CDK13: variants seen among roughly 807,000 people sequenced by gnomAD.
CDK13 encodes the protein cyclin-dependent kinase 13.
CDK13 carries 40 observed loss-of-function variants against 137.6 expected under a neutral mutation model. The ratio of observed to expected loss-of-function variants is 0.29; its 90% CI spans 0.23 to 0.38. CDK13 has a LOEUF of 0.38. Ranked by LOEUF, CDK13 falls within the 10% of genes least tolerant of loss-of-function variation. The pLI is 1.00. For missense variants in CDK13, 1,704 were observed against 1,951.8 expected (o/e 0.87, Z 2.39); for synonymous variants, 869 against 760.1 (o/e 1.14, Z -2.36).
chr7:39,957,225 C>T (rs564003098), intron 1 of CDK13, among the ~76,000 whole-genome samples: 1 of 151,100 alleles, frequency 6.6e-6, no homozygotes, highest in Non-Finnish European at 1.5e-5. Flanking sequence ...GTTGGGATTA[C>T]AGGCATGAGC....
intron 1 of CDK13, among the ~76,000 whole-genome samples, chr7:39,969,466 T>C (rs373491973): frequency 1.2e-4 from 19 of 152,366 alleles, no homozygotes; most frequent in Admixed American, 2.6e-4. Flanking sequence ...TTGGCTGTTA[T>C]GAGCAAAGCT....
intron 12 of CDK13, among the ~76,000 whole-genome samples, chr7:40,089,737 T>C (rs931410755): frequency 3.9e-5 from 5 of 128,680 alleles, no homozygotes; most frequent in African/African-American, 1.3e-4. Context: ...TGTGTGTGTG[T>C]GTGTGTGTGT....
rs554274693 is a variant in CDK13, at chr7:40,092,700, A to G, written c.3236-85A>G. On this transcript the variant is annotated intron_variant, in intron 12 of 13. Transcript: ENST00000181839. ...TACTCTCCCTCAAATATATATTTTC[A>G]TATGGTAATACAGAGCCATTTTGGT... The G allele has an allele frequency of 9.7e-5, 84 of 866,152 alleles. No homozygotes were observed. In the African/African-American group the frequency reaches 1.3e-3, roughly 14 times the overall value. The allele number at this position is 866,152 out of a possible 1,614,324, so 53.7% of individuals were successfully genotyped here. A position where few individuals can be genotyped will look rare whatever the true frequency, so the allele number is the denominator to read the frequency against.
At chr7:40,094,055 A>C (rs1378688301) in intron 13 of CDK13, 75 bp from the exon 14 acceptor site, 4 of 1,512,572 alleles carry the variant, frequency 2.6e-6, no homozygotes, top group African/African-American at 2.8e-5. Flanking sequence ...AACTACCTAC[A>C]GGAAACACTG....
Position 40,078,004 on chromosome 7 carries a change from G to T in CDK13, c.2781-1G>T. On this transcript the variant is annotated splice_acceptor_variant, in intron 9 of 13. Coordinates refer to ENST00000181839, the MANE Select transcript of CDK13 (RefSeq NM_003718.5). LOFTEE classifies it high-confidence loss of function. The stretch of plus-strand genomic sequence containing the variant: ...TGTACTTCCTTTTGTGTGTTGCTTA[G>T]CCGAATATGTGGGAGTCCATGTCCT... 6.7e-7 allele frequency: 1 copy of T among 1,501,254 alleles called. No homozygotes were observed. Among genetic ancestry groups the T allele is most frequent in the Non-Finnish European group, 9.0e-7 (1 of 1,112,000 alleles). The allele number at this position is 1,501,254 out of a possible 1,614,324, so 93.0% of individuals were successfully genotyped here.
intron 11 of CDK13, among the ~76,000 whole-genome samples, chr7:40,083,627 A>C (rs2150540288): frequency 6.6e-6 from 1 of 152,334 alleles, no homozygotes; most frequent in South Asian, 2.1e-4. Flanking sequence ...CTTATATTCT[A>C]ATCATAAACT....
rs1562771989 is a variant in CDK13, at chr7:40,096,249, G to A, written c.*1269G>A. On this transcript the variant is annotated 3_prime_UTR_variant, in exon 14 of 14. Coordinates refer to ENST00000181839, the MANE Select transcript of CDK13 (RefSeq NM_003718.5). ...GAATTTATTGAAGCAAAAAGAAAAG[G>A]CAATGAGAGAGAACTTTTATCTTCC... 1 of 152,108 alleles carries A rather than the reference G, an allele frequency of 6.6e-6. No homozygotes were observed. Among genetic ancestry groups the A allele is most frequent in the Non-Finnish European group, 1.5e-5 (1 of 68,018 alleles). The allele number at this position is 152,108 out of a possible 1,614,324, so 9.4% of individuals were successfully genotyped here.
chr7:40,013,773 CAATA>C (rs1256016388), intron 5 of CDK13, among the ~76,000 whole-genome samples: 1 of 151,984 alleles, frequency 6.6e-6, no homozygotes, highest in African/African-American at 2.4e-5. Flanking sequence ...AATTATATCT[CAATA>C]AAGCTGTTAT....
At chr7:39,957,439 C>T (rs923489592) in intron 1 of CDK13, among the ~76,000 whole-genome samples, 14 of 152,032 alleles carry the variant, frequency 9.2e-5, no homozygotes, top group African/African-American at 2.9e-4. Flanking sequence ...AATTACAGAG[C>T]TTATTTATTG....
rs1785664194 is a variant in CDK13, at chr7:40,043,642, A to G, written c.2354-2194A>G. Among the ~76,000 whole-genome samples the G allele has an allele frequency of 2.6e-5, 4 of 152,012 alleles. No individual in the cohort carries two copies. In the South Asian group the frequency reaches 8.3e-4, roughly 32 times the overall value. On this transcript the variant is annotated intron_variant, in intron 5 of 13. Coordinates refer to ENST00000181839, the MANE Select transcript of CDK13 (RefSeq NM_003718.5). ...AGACTAACCTGGGTAACATAGAGAGACCCCATCTCTACCAGAAATAAAACA... is the reference window on the plus strand; with the variant it reads ...AGACTAACCTGGGTAACATAGAGAGGCCCCATCTCTACCAGAAATAAAACA...
At chr7:39,991,058 AT>A (rs928524768) in intron 2 of CDK13, among the ~76,000 whole-genome samples, 1 of 152,248 alleles carries the variant, frequency 6.6e-6, no homozygotes, top group Non-Finnish European at 1.5e-5. Flanking sequence ...AAGAGGAACT[AT>A]TGGTTGGTTT....
intron 1 of CDK13, among the ~76,000 whole-genome samples, chr7:39,980,852 G>A (rs1784209034): frequency 6.6e-6 from 1 of 152,162 alleles, no homozygotes; most frequent in South Asian, 2.1e-4. Flanking sequence ...GCTCTCCAAG[G>A]AACACTAAAT....
intron 1 of CDK13, among the ~76,000 whole-genome samples, chr7:39,976,849 A>T (rs17496247): frequency 0.27 from 40,595 of 151,916 alleles, 6,560 homozygotes; most frequent in Middle Eastern, 0.45. Context: ...GAAATTGAGG[A>T]CGAGGGGACT....
chr7:39,989,110 A>AAAG (rs1562714944), intron 2 of CDK13, among the ~76,000 whole-genome samples: 1 of 98,406 alleles, frequency 1.0e-5, no homozygotes, highest in Non-Finnish European at 1.8e-5. Flanking sequence ...AAAAAAAAAA[A>AAAG]AGAGAAAATT....
At chr7:40,003,781 A>G (rs556890564) in intron 5 of CDK13, among the ~76,000 whole-genome samples, 1 of 152,054 alleles carries the variant, frequency 6.6e-6, no homozygotes, top group South Asian at 2.1e-4. Flanking sequence ...ATTGCCCACC[A>G]AGCTTGACAG....
chr7:40,083,841 TAAATA>T (rs1212942214), intron 11 of CDK13, among the ~76,000 whole-genome samples: 2 of 152,214 alleles, frequency 1.3e-5, no homozygotes, highest in Admixed American at 1.3e-4. Flanking sequence ...ATCCAATATT[TAAATA>T]AAAACATTTT....
chr7:40,078,257 G>A (rs1467246794), intron 10 of CDK13, 136 bp downstream of exon 10: 1 of 459,630 alleles, frequency 2.2e-6, no homozygotes, highest in African/African-American at 2.0e-5. Context: ...TTTGAGTTCT[G>A]TTTGCTACAT....
At chr7:39,964,269 AGCTAT>A (rs896901135) in intron 1 of CDK13, among the ~76,000 whole-genome samples, 1 of 152,030 alleles carries the variant, frequency 6.6e-6, no homozygotes, top group Non-Finnish European at 1.5e-5. Context: ...TTGGTTGGTA[AGCTAT>A]TAATTATTGC....
At chr7:40,014,990 T>C (rs925758477) in intron 5 of CDK13, among the ~76,000 whole-genome samples, 1 of 152,060 alleles carries the variant, frequency 6.6e-6, no homozygotes, top group Admixed American at 6.6e-5. Flanking sequence ...AGAAGAAAAA[T>C]ATGTATAAAA....
Sources: gnomAD v4.1 joint callset for allele counts (sites outside exome capture counted in the v4.1 genomes callset) on GRCh38, gnomAD v4.1.1 for gene constraint, MANE v1.5 for transcripts, NCBI Gene and HGNC (gene_info 2026-07-23, HGNC 2026-07-21) for gene names.